ACOXL: variants seen among roughly 807,000 people sequenced by gnomAD.
The protein encoded by ACOXL is acyl-CoA oxidase like.
In ACOXL, 70 loss-of-function variants were observed where a neutral mutation model predicts 71.9. That is an observed-to-expected ratio of 0.97 (90% confidence interval 0.80 to 1.19). The LOEUF (loss-of-function observed/expected upper bound fraction) is 1.19. Ranked by LOEUF, ACOXL falls within the 50% of genes most tolerant of loss-of-function variation. The pLI is 0.00. For synonymous variants in ACOXL, 253 were observed against 281.6 expected, an observed-to-expected ratio of 0.90 and a Z score of 1.02; for missense variants, 703 against 736.3, an observed-to-expected ratio of 0.95 and a Z score of 0.52.
At chr2:110,988,813 T>G (rs1454349417) in intron 13 of ACOXL, among the ~76,000 whole-genome samples, 5 of 152,032 alleles carry the variant, frequency 3.3e-5, no homozygotes, top group Admixed American at 1.3e-4. Context: ...CATTTGTATT[T>G]CTTCCTGTGT....
At chr2:110,897,492 A>G (rs2059059926) in intron 10 of ACOXL, among the ~76,000 whole-genome samples, 1 of 151,792 alleles carries the variant, frequency 6.6e-6, no homozygotes, top group Non-Finnish European at 1.5e-5. Flanking sequence ...GGCAGAAGGC[A>G]GAAGAGCAAG....
intron 1 of ACOXL, 33 bp downstream of exon 1, chr2:110,732,807 C>T (rs1391619495): frequency 6.6e-6 from 1 of 152,374 alleles, no homozygotes. Context: ...CCTGCCCGCG[C>T]CCCCGAAGCC....
intron 10 of ACOXL, among the ~76,000 whole-genome samples, chr2:110,878,766 A>G (rs955683205): frequency 6.6e-6 from 1 of 151,964 alleles, no homozygotes; most frequent in Non-Finnish European, 1.5e-5. Flanking sequence ...CTCCATCTCA[A>G]AAAATCAAAA....
At chr2:110,785,740 G>A (rs188230415) in intron 3 of ACOXL, among the ~76,000 whole-genome samples, 11 of 152,274 alleles carry the variant, frequency 7.2e-5, no homozygotes, top group South Asian at 6.2e-4. Context: ...TCTTGTCCAT[G>A]TCTGGTGTTG....
At chr2:110,926,376 A>G (rs1393155142) in intron 11 of ACOXL, among the ~76,000 whole-genome samples, 1 of 152,192 alleles carries the variant, frequency 6.6e-6, no homozygotes, top group Non-Finnish European at 1.5e-5. Context: ...GATTAAATGA[A>G]TTAACACATG....
At chr2:111,001,103 A>G (rs577846463) in intron 14 of ACOXL, among the ~76,000 whole-genome samples, 3 of 152,228 alleles carry the variant, frequency 2.0e-5, no homozygotes, top group Non-Finnish European at 4.4e-5. Flanking sequence ...TTCTGAGTTT[A>G]CAAGTATGTC....
intron 10 of ACOXL, among the ~76,000 whole-genome samples, chr2:110,846,969 A>T (rs141499666): frequency 1.3e-5 from 2 of 152,228 alleles, no homozygotes; most frequent in East Asian, 3.9e-4. Flanking sequence ...GTTTATTATC[A>T]TGGCGCTTTA....
chr2:110,964,685 G>A (rs1248750454), intron 12 of ACOXL, among the ~76,000 whole-genome samples: 1 of 152,156 alleles, frequency 6.6e-6, no homozygotes, highest in Admixed American at 6.5e-5. Context: ...ATTTTTGTTT[G>A]TTTATTGATA....
chr2:110,771,604 T>C (rs1376225738), intron 2 of ACOXL, among the ~76,000 whole-genome samples: 1 of 152,254 alleles, frequency 6.6e-6, no homozygotes, highest in Non-Finnish European at 1.5e-5. Context: ...CTGCCATCTG[T>C]AATAGATTTG....
intron 12 of ACOXL, chr2:110,968,740 G>A (rs562391083): frequency 6.7e-5 from 33 of 495,456 alleles, no homozygotes; most frequent in Non-Finnish European, 9.9e-5. Flanking sequence ...AATTTTCTAT[G>A]ACGATTTTTC....
intron 3 of ACOXL, 109 bp from the exon 4 acceptor site, chr2:110,793,541 A>G: frequency 1.0e-6 from 1 of 1,002,166 alleles, no homozygotes; most frequent in Non-Finnish European, 1.6e-6. Context: ...GCTTAGGTCA[A>G]GCACAGGGGG....
chr2:111,065,162 A>G (rs1439872229), intron 16 of ACOXL, among the ~76,000 whole-genome samples: 1 of 152,218 alleles, frequency 6.6e-6, no homozygotes, highest in African/African-American at 2.4e-5. Flanking sequence ...ACATAGAACA[A>G]TGGATAAAAA....
At chr2:110,789,048 A>C (rs1301647567) in intron 3 of ACOXL, among the ~76,000 whole-genome samples, 1 of 152,162 alleles carries the variant, frequency 6.6e-6, no homozygotes, top group African/African-American at 2.4e-5. Context: ...CTCTCTCTCC[A>C]GGTCTGTTTA....
chr2:110,869,736 G>A (rs189896614), intron 10 of ACOXL, among the ~76,000 whole-genome samples: 40 of 152,352 alleles, frequency 2.6e-4, no homozygotes, highest in Non-Finnish European at 4.9e-4. Context: ...CACACCCTGA[G>A]CCACTGTGCT....
intron 11 of ACOXL, among the ~76,000 whole-genome samples, chr2:110,930,651 A>G (rs323644): frequency 1.2e-3 from 177 of 152,316 alleles, no homozygotes; most frequent in South Asian, 3.1e-3. Context: ...TGTAGCTCCC[A>G]TAATTCCATG....
intron 15 of ACOXL, among the ~76,000 whole-genome samples, chr2:111,042,492 C>T (rs1256429487): frequency 6.6e-6 from 1 of 152,082 alleles, no homozygotes; most frequent in Admixed American, 6.5e-5. Flanking sequence ...AAGGTGGGGA[C>T]GTGGCTCTGC....
At chr2:110,903,192 G>A (rs964416107) in intron 10 of ACOXL, among the ~76,000 whole-genome samples, 1 of 152,232 alleles carries the variant, frequency 6.6e-6, no homozygotes, top group African/African-American at 2.4e-5. Flanking sequence ...GTAGGTCACT[G>A]GCCTCCTTTG....
At chr2:110,810,193 T>C (rs1376790847) in intron 9 of ACOXL, among the ~76,000 whole-genome samples, 4 of 152,258 alleles carry the variant, frequency 2.6e-5, no homozygotes, top group Non-Finnish European at 5.9e-5. Context: ...TTTGTGGCTA[T>C]TGCTGTAACA....
chr2:110,772,773 C>T lies in ACOXL; in HGVS notation c.75+4309C>T, dbSNP rs973854213. On this transcript the variant is annotated intron_variant, in intron 2 of 17. Coordinates refer to ENST00000439055, the MANE Select transcript of ACOXL (RefSeq NM_001142807.4). ...CCCGTGTGTGTCCCCAATACCCTTT[C>T]AGGTGCTATGTGGAAAGTATATGTC... Among the ~76,000 whole-genome samples, 4 of 152,324 alleles carry T rather than the reference C, an allele frequency of 2.6e-5. No individual in the cohort carries two copies. In the East Asian group the frequency reaches 5.8e-4, roughly 22 times the overall value.
Sources: allele counts gnomAD v4.1 joint callset (sites outside exome capture counted in the v4.1 genomes callset), GRCh38; gene constraint gnomAD v4.1.1; transcripts MANE v1.5; gene names NCBI Gene and HGNC (gene_info 2026-07-23, HGNC 2026-07-21).